RABEPK: variants seen among roughly 807,000 people sequenced by gnomAD.
RABEPK encodes the protein Rab9 effector protein with kelch motifs, also known as 40 kDa Rab9 effector protein.
A neutral mutation model predicts 34.1 loss-of-function variants in RABEPK; 27 were observed. That is an observed-to-expected ratio of 0.79 (90% CI 0.58 to 1.09). The LOEUF is 1.09. Ranked by LOEUF, RABEPK falls within the 50% of genes least tolerant of loss-of-function variation. The pLI, the probability that RABEPK is intolerant of heterozygous loss-of-function variation, is 0.00. For synonymous variants in RABEPK, 172 were observed against 169.2 expected, an observed-to-expected ratio of 1.02 and a Z score of -0.13; for missense variants, 449 against 462.6, an observed-to-expected ratio of 0.97 and a Z score of 0.27.
intron 3 of RABEPK, among the ~76,000 whole-genome samples, chr9:125,207,922 C>T (rs1445045695): frequency 3.3e-5 from 5 of 152,108 alleles, no homozygotes; most frequent in Non-Finnish European, 5.9e-5. Flanking sequence ...GGTTAGAGTT[C>T]GAGACCAGCC....
intron 2 of RABEPK, among the ~76,000 whole-genome samples, chr9:125,206,920 T>C (rs1239814827): frequency 1.3e-5 from 2 of 151,870 alleles, no homozygotes; most frequent in Non-Finnish European, 2.9e-5. Context: ...AGAAATCCCA[T>C]CTCTACTAAA....
intron 7 of RABEPK, among the ~76,000 whole-genome samples, chr9:125,233,377 C>T (rs1832355236): frequency 1.7e-5 from 2 of 120,886 alleles, no homozygotes; most frequent in African/African-American, 3.3e-5. Flanking sequence ...CTCACTCTGT[C>T]GCCCAGGCTG....
At chr9:125,232,908 T>A (rs1564201985) in intron 7 of RABEPK, among the ~76,000 whole-genome samples, 163 bp downstream of exon 7, 1 of 151,980 alleles carries the variant, frequency 6.6e-6, no homozygotes, top group Non-Finnish European at 1.5e-5. Context: ...AAACCCCATC[T>A]CTACTAAAAT....
chr9:125,200,608 C>T lies in RABEPK; in HGVS notation c.-305C>T, dbSNP rs529881754. The T allele has an allele frequency of 6.9e-4, 313 of 454,188 alleles. 1 individual carries two copies. The highest frequency in any genetic ancestry group is 5.8e-3 in the African/African-American group (292 of 49,998). The allele number at this position is 454,188 out of a possible 1,614,324, so 28.1% of individuals were successfully genotyped here. On this transcript the variant is annotated 5_prime_UTR_variant, in exon 1 of 8. Coordinates refer to ENST00000373538, the MANE Select transcript of RABEPK (RefSeq NM_005833.4). ...GCAGTCCGGGGCTGGAGGGTAGGGG[C>T]GAGGGTCCCCGGATACCGGGTCTAT...
rs1688052784 is a variant in RABEPK at position 125,232,865 on chromosome 9, CAGG to C, written c.826+123_826+125del. Reference sequence around the variant, plus strand: ...GGCCGAGGCAGGCAGATCACGAGGTCAGGAGATCGAGACCATCCTGACCAACAT... The same window carrying C: ...GGCCGAGGCAGGCAGATCACGAGGTCAGATCGAGACCATCCTGACCAACAT... On this transcript the variant is annotated intron_variant, in intron 7 of 7. Transcript: ENST00000373538. The C allele has an allele frequency of 3.9e-6, 4 of 1,034,964 alleles. No individual in the cohort carries two copies. The Admixed American group carries it at 1.1e-4, about 29-fold the overall frequency. The allele number at this position is 1,034,964 out of a possible 1,614,324, so 64.1% of individuals were successfully genotyped here.
chr9:125,228,205 C>T (rs1831907259), intron 6 of RABEPK, 146 bp downstream of exon 6: 1 of 593,208 alleles, frequency 1.7e-6, no homozygotes, highest in Admixed American at 4.3e-5. Context: ...AAGTAATCCT[C>T]CTACCTCATC....
Position 125,210,959 on chromosome 9 carries a change from A to G in RABEPK, c.212-2411A>G, listed in dbSNP as rs560579103. On this transcript the variant is annotated intron_variant, in intron 3 of 7. Coordinates refer to ENST00000373538, the MANE Select transcript of RABEPK (RefSeq NM_005833.4). ...TTAAAGTGATTCTCCTGGGCCGGGC[A>G]TGGTGGCTCACCATGCTGTAATCCC... is the stretch of plus-strand genomic sequence containing the variant. Among the ~76,000 whole-genome samples the G allele has an allele frequency of 9.2e-4, 135 of 146,346 alleles. 3 individuals are homozygous for G. In the South Asian group the frequency reaches 0.023, roughly 25 times the overall value.
At chr9:125,215,740 A>G (rs1360870243) in intron 4 of RABEPK, among the ~76,000 whole-genome samples, 2 of 152,206 alleles carry the variant, frequency 1.3e-5, no homozygotes, top group Non-Finnish European at 2.9e-5. Context: ...AGCAGTGAAC[A>G]TCTTCATTCA....
intron 3 of RABEPK, among the ~76,000 whole-genome samples, chr9:125,208,883 C>T (rs971027275): frequency 6.6e-6 from 1 of 152,018 alleles, no homozygotes; most frequent in East Asian, 1.9e-4. Context: ...ACTACTACTA[C>T]TGTAGTCCAA....
At chr9:125,218,729 CTCTT>C (rs1326455464) in intron 4 of RABEPK, among the ~76,000 whole-genome samples, 3 of 151,818 alleles carry the variant, frequency 2.0e-5, no homozygotes, top group African/African-American at 7.3e-5. Flanking sequence ...CTCTCTCTCT[CTCTT>C]TCTCTCTCTC....
At chr9:125,212,654 CT>C (rs1051435694) in intron 3 of RABEPK, among the ~76,000 whole-genome samples, 2,560 of 141,688 alleles carry the variant, frequency 0.018, 26 homozygotes, top group Non-Finnish European at 0.024. Context: ...TTCTTTCTTT[CT>C]TTTTTTTTTT....
intron 5 of RABEPK, chr9:125,221,017 C>T (rs888779826): frequency 3.0e-5 from 6 of 202,570 alleles, no homozygotes; most frequent in South Asian, 1.3e-4. Context: ...AAAAATTATC[C>T]GGGCATGATG....
intron 5 of RABEPK, among the ~76,000 whole-genome samples, chr9:125,227,090 A>C (rs1831811381): frequency 1.3e-5 from 2 of 151,506 alleles, no homozygotes; most frequent in African/African-American, 4.9e-5. Context: ...GAATCGCTTG[A>C]ACCTGGGAGG....
intron 6 of RABEPK, among the ~76,000 whole-genome samples, chr9:125,232,114 G>A (rs1832227708): frequency 6.6e-6 from 1 of 151,602 alleles, no homozygotes; most frequent in African/African-American, 2.4e-5. Flanking sequence ...GGTCAGGCTG[G>A]TCTCGAACTC....
chr9:125,202,140 G>T (rs983057153), intron 1 of RABEPK, among the ~76,000 whole-genome samples: 1 of 151,892 alleles, frequency 6.6e-6, no homozygotes, highest in African/African-American at 2.4e-5. Context: ...GCTTGAACCC[G>T]GGAGGCAGAG....
rs1319257457 is a variant in RABEPK, at chr9:125,200,568, G to C, written c.-345G>C. On this transcript the variant is annotated 5_prime_UTR_variant, in exon 1 of 8. Coordinates refer to ENST00000373538, the MANE Select transcript of RABEPK (RefSeq NM_005833.4). The stretch of plus-strand genomic sequence containing the variant: ...GAGTCACGGCTCGCGACTGGCCTAA[G>C]TCGCCGCAGGTATTGCAGTCCGGGG... 4 of 405,084 alleles carry C rather than the reference G, an allele frequency of 9.9e-6. No homozygotes were observed. The East Asian group carries it at 2.9e-4, about 29-fold the overall frequency. The allele number at this position is 405,084 out of a possible 1,614,324, so 25.1% of individuals were successfully genotyped here.
At chr9:125,213,612 C>T in intron 4 of RABEPK, 90 bp downstream of exon 4, 1 of 1,155,006 alleles carries the variant, frequency 8.7e-7, no homozygotes, top group East Asian at 2.5e-5. Context: ...ATTATAATTC[C>T]AGTACATTTG....
At chr9:125,220,515 G>A (rs1489160582) in intron 4 of RABEPK, 24 bp from the exon 5 acceptor site, 1 of 1,602,794 alleles carries the variant, frequency 6.2e-7, no homozygotes, top group Admixed American at 1.7e-5. Context: ...GATATTTTAA[G>A]TGCCTGCATT....
chr9:125,225,701 C>T (rs936465350), intron 5 of RABEPK, among the ~76,000 whole-genome samples: 2 of 152,080 alleles, frequency 1.3e-5, no homozygotes, highest in Non-Finnish European at 2.9e-5. Flanking sequence ...TGGCTAACGC[C>T]TGTAATCCCA....
Sources: gnomAD v4.1 joint callset for allele counts (sites outside exome capture counted in the v4.1 genomes callset) on GRCh38, gnomAD v4.1.1 for gene constraint, MANE v1.5 for transcripts, NCBI Gene and HGNC (gene_info 2026-07-23, HGNC 2026-07-21) for gene names.